Variants in CYP11B1 observed in about 807,000 individuals in gnomAD.
CYP11B1 encodes cytochrome P450 family 11 subfamily B member 1.
Under a neutral mutation model 48.3 loss-of-function variants are expected in CYP11B1, and 34 were observed. The ratio of observed to expected loss-of-function variants is 0.70; its 90% CI spans 0.54 to 0.94. The LOEUF (loss-of-function observed/expected upper bound fraction) is 0.94. Among genes scored for constraint, CYP11B1 ranks in the 40% least tolerant of loss-of-function variants. The pLI is 0.00. For missense variants in CYP11B1, 688 were observed against 657.4 expected (o/e 1.05, Z -0.51); for synonymous variants, 291 against 262.5 (o/e 1.11, Z -1.05).
Position 142,877,020 on chromosome 8 carries a change from C to T in CYP11B1, c.595+3G>A. The T allele has an allele frequency of 6.2e-7, 1 of 1,613,494 alleles. No homozygotes were observed. The highest frequency in any genetic ancestry group is 8.5e-7 in the Non-Finnish European group (1 of 1,179,750). ...AGGCTGGATCTTCCCACGTGGCCCA[C>T]ACCTTCTATGGTGTAGTGGAAGATG... On this transcript the variant is annotated splice_donor_region_variant and intron_variant, in intron 3 of 8. Coordinates refer to ENST00000292427, the MANE Select transcript of CYP11B1 (RefSeq NM_000497.4).
intron 3 of CYP11B1, 66 bp from the exon 4 acceptor site, chr8:142,876,951 C>T: frequency 6.2e-7 from 1 of 1,612,554 alleles, no homozygotes; most frequent in African/African-American, 1.3e-5. Context: ...CCCCACACTC[C>T]CTTCAGTCCC....
chr8:142,876,536 A>G, intron 4 of CYP11B1, 141 bp from the exon 5 acceptor site: 2 of 1,547,022 alleles, frequency 1.3e-6, no homozygotes, highest in Non-Finnish European at 8.7e-7. Flanking sequence ...GCCCAGCCCC[A>G]GCCTCGCACC....
intron 1 of CYP11B1, 187 bp from the exon 2 acceptor site, chr8:142,879,374 G>T: frequency 6.2e-7 from 1 of 1,609,520 alleles, no homozygotes; most frequent in Middle Eastern, 1.7e-4. Flanking sequence ...TGCCCTCTCT[G>T]CAGCGAGCTG....
intron 8 of CYP11B1, 32 bp downstream of exon 8, chr8:142,874,925 C>T: frequency 1.2e-6 from 2 of 1,610,526 alleles, no homozygotes; most frequent in Non-Finnish European, 1.7e-6. Context: ...CCAGACCCCG[C>T]CCAGGCCCCT....
chr8:142,876,375 T>C lies in CYP11B1; in HGVS notation c.820A>G (p.Ile274Val). ...CGGCTGAAGGCCAGTTCCTGATAGA[T>C]TTTCTGGATACAGTTGTCGCCTATC... The part of the protein sequence containing the change: ...FQYGDNCIQK[I>V]YQELAFSRPQ... The change falls in exon 5 of 9, where the codon ATC becomes GTC. Residue 274 changes from isoleucine (I) to valine (V), a missense_variant. Physicochemically the swap from Ile to Val is conservative, Grantham distance 29. Coordinates refer to ENST00000292427, the MANE Select transcript of CYP11B1 (RefSeq NM_000497.4). 1 of 1,614,056 alleles carries C rather than the reference T, an allele frequency of 6.2e-7. No individual in the cohort carries two copies. Among genetic ancestry groups the C allele is most frequent in the African/African-American group, 1.3e-5 (1 of 75,048 alleles).
chr8:142,879,643 C>T lies in CYP11B1; in HGVS notation c.171G>A (p.Arg57=), dbSNP rs1182974347. 6.2e-7 allele frequency: 1 copy of T among 1,614,124 alleles called. No individual in the cohort carries two copies. The highest frequency in any genetic ancestry group is 1.3e-5 in the African/African-American group (1 of 74,950). The change falls in exon 1 of 9, where the codon AGG becomes AGA. Residue 57 remains arginine (R), a synonymous_variant. Coordinates refer to ENST00000292427, the MANE Select transcript of CYP11B1 (RefSeq NM_000497.4). ...NRWLRLLQIW[R]EQGYEDLHLE... ...GGTGCAGGTCCTCATAACCCTGCTC[C>T]CTCCAGATCTGCAGCAGCCTCAGCC... is the stretch of plus-strand genomic sequence containing the variant.
At chr8:142,877,817 C>G in intron 2 of CYP11B1, 4 of 1,595,878 alleles carry the variant, frequency 2.5e-6, no homozygotes, top group Non-Finnish European at 3.4e-6. Flanking sequence ...GGAGGAATTT[C>G]CCCTGTCAGC....
chr8:142,875,876 C>T lies in CYP11B1; in HGVS notation c.957G>A (p.Thr319=), dbSNP rs762599130. The T allele has an allele frequency of 4.3e-5, 70 of 1,613,926 alleles. No homozygotes were observed. The highest frequency in any genetic ancestry group is 5.3e-5 in the African/African-American group (4 of 74,896). ...AGAGCGTCATCAGCAAGGGAAACAC[C>T]GTCTGCAGGAGACACAGCTGCAGGG... is the stretch of plus-strand genomic sequence containing the variant. ...MELTAGSVDT[T]VFPLLMTLFE... The change falls in exon 6 of 9, where the codon ACG becomes ACA. Residue 319 remains threonine (T), a splice_region_variant and synonymous_variant. Coordinates refer to ENST00000292427, the MANE Select transcript of CYP11B1 (RefSeq NM_000497.4).
At chr8:142,874,554 A>G (rs1283795826) in intron 8 of CYP11B1, 68 bp from the exon 9 acceptor site, 1 of 1,087,556 alleles carries the variant, frequency 9.2e-7, no homozygotes, top group Non-Finnish European at 1.4e-6. Context: ...GCCTTCTCAG[A>G]CCCTCAAAGT....
Position 142,877,320 on chromosome 8 carries a change from AG to A in CYP11B1, c.396-99del. On this transcript the variant is annotated intron_variant, in intron 2 of 8. Coordinates refer to ENST00000292427, the MANE Select transcript of CYP11B1 (RefSeq NM_000497.4). ...TTGTCCCCAAGGGGAATCGGCCTGC[AG>A]GGAGCTGACTGGGGGCCCTGGTAGA... 4 of 1,200,900 alleles carry A rather than the reference AG, an allele frequency of 3.3e-6. No individual in the cohort carries two copies. The South Asian group carries it at 5.2e-5, about 16-fold the overall frequency. 74.4% of individuals were successfully genotyped at this position (1,200,900 alleles called of 1,614,324 possible).
At position 142,876,154 on chromosome 8, in the gene CYP11B1, C is replaced by T. The variant is rs564209617; in HGVS notation, c.954+87G>A. ...GGGCCCATAGCCTGGGGATGGGACA[C>T]GTGGGCGCCGTGTGACATTGGCAGG... is the stretch of plus-strand genomic sequence containing the variant. On this transcript the variant is annotated intron_variant, in intron 5 of 8. Transcript: ENST00000292427. The T allele has an allele frequency of 4.5e-5, 70 of 1,568,972 alleles. 1 individual carries two copies. In the African/African-American group the frequency reaches 7.7e-4, roughly 17 times the overall value.
chr8:142,877,855 T>C, intron 2 of CYP11B1: 1 of 1,584,062 alleles, frequency 6.3e-7, no homozygotes, highest in Non-Finnish European at 8.5e-7. Flanking sequence ...CAAAGCTTTA[T>C]TTATGTCCAG....
At chr8:142,877,651 G>T in intron 2 of CYP11B1, 1 of 1,070,088 alleles carries the variant, frequency 9.3e-7, no homozygotes, top group Non-Finnish European at 1.4e-6. Flanking sequence ...TCTCCTCCCC[G>T]CCCTTCCCTG....
rs997960869 is a variant in CYP11B1, at chr8:142,872,750, C to G, written c.*1623G>C. The stretch of plus-strand genomic sequence containing the variant: ...GTAGTTTAATCTGAATTTTTGTGTC[C>G]GCCTCCAGAATTCATAGGCTGAAAT... On this transcript the variant is annotated 3_prime_UTR_variant, in exon 9 of 9. Coordinates refer to ENST00000292427, the MANE Select transcript of CYP11B1 (RefSeq NM_000497.4). 1 of 152,060 alleles carries G rather than the reference C, an allele frequency of 6.6e-6. No individual in the cohort carries two copies. 9.4% of individuals were successfully genotyped at this position (152,060 alleles called of 1,614,324 possible). A position where few individuals can be genotyped will look rare whatever the true frequency, so the allele number is the denominator to read the frequency against.
At chr8:142,875,962 G>T in intron 5 of CYP11B1, 84 bp from the exon 6 acceptor site, 1 of 1,537,516 alleles carries the variant, frequency 6.5e-7, no homozygotes, top group Non-Finnish European at 9.0e-7. Context: ...ACCTCCCTGT[G>T]AGGGGTGCAG....
intron 2 of CYP11B1, chr8:142,877,873 T>C (rs7818953): frequency 0.6 from 926,308 of 1,544,366 alleles, 283,957 homozygotes; most frequent in African/African-American, 0.85. Flanking sequence ...CAGCTGGCTG[T>C]TGTGAGCTGT....
rs1817084878 is a variant in CYP11B1, at chr8:142,879,673, G to T, written c.141C>A (p.Asn47Lys). 1 of 1,614,252 alleles carries T rather than the reference G, an allele frequency of 6.2e-7. No individual in the cohort carries two copies. The highest frequency in any genetic ancestry group is 2.2e-5 in the East Asian group (1 of 44,882). Reference sequence around the variant, plus strand: ...AGATCTGCAGCAGCCTCAGCCACCTGTTGCCTGGACGCCGGGGCATGGCTT... The same window carrying T: ...AGATCTGCAGCAGCCTCAGCCACCTTTTGCCTGGACGCCGGGGCATGGCTT... ...PFEAMPRRPG[N>K]RWLRLLQIWR... The change falls in exon 1 of 9, where the codon AAC becomes AAA. Residue 47 changes from asparagine to lysine, a missense_variant. Asn to Lys is a moderately conservative substitution (Grantham distance 94). Transcript: ENST00000292427.
chr8:142,878,690 T>C (rs563209746), intron 2 of CYP11B1, among the ~76,000 whole-genome samples: 96 of 152,268 alleles, frequency 6.3e-4, no homozygotes, highest in African/African-American at 2.2e-3. Context: ...AGTACCCTTC[T>C]CAGGGCCTCA....
At chr8:142,874,513 G>T (rs377425409) in intron 8 of CYP11B1, 27 bp from the exon 9 acceptor site, 54 of 1,527,080 alleles carry the variant, frequency 3.5e-5, no homozygotes, top group Non-Finnish European at 4.7e-5. Context: ...GTTTCCATCT[G>T]GCTTGGTCCG....
Sources: gnomAD v4.1 joint callset for allele counts (sites outside exome capture counted in the v4.1 genomes callset) on GRCh38, gnomAD v4.1.1 for gene constraint, MANE v1.5 for transcripts, NCBI Gene and HGNC (gene_info 2026-07-23, HGNC 2026-07-21) for gene names.